The following RALYL variants were observed in gnomAD, a reference collection of about 807,000 sequenced individuals.
The protein encoded by RALYL is RALY RNA binding protein like.
In RALYL, 29 loss-of-function variants were observed where a neutral mutation model predicts 35.1. The observed-to-expected ratio is 0.83, with a 90% CI of 0.61 to 1.13. The LOEUF (loss-of-function observed/expected upper bound fraction) is 1.13, where lower values mean the gene tolerates loss of function less well. RALYL is among the 50% of genes most tolerant of loss of function. The pLI, the probability that RALYL is intolerant of heterozygous loss-of-function variation, is 0.00. For missense variants in RALYL, 359 were observed against 360.4 expected, an observed-to-expected ratio of 1.00 and a Z score of 0.03; for synonymous variants, 120 against 127.6, an observed-to-expected ratio of 0.94 and a Z score of 0.40.
Position 84,469,961 on chromosome 8 carries a change from G to A in RALYL, c.-23-59338G>A, listed in dbSNP as rs192617133. Among the ~76,000 whole-genome samples, 1,094 of 152,240 alleles carry A rather than the reference G, an allele frequency of 7.2e-3. 11 individuals are homozygous for A. Among genetic ancestry groups the A allele is most frequent in the African/African-American group, 0.023 (965 of 41,558 alleles). Reference sequence around the variant, plus strand: ...GACAGGGAACTCCCTGACCCCTTGCGCTTCCCAAGTGAGGCAATGCCTCGC... The same window carrying A: ...GACAGGGAACTCCCTGACCCCTTGCACTTCCCAAGTGAGGCAATGCCTCGC... On this transcript the variant is annotated intron_variant, in intron 1 of 8. Coordinates refer to ENST00000521268, the MANE Select transcript of RALYL (RefSeq NM_173848.7).
At chr8:84,708,739 A>G (rs2132433297) in intron 2 of RALYL, among the ~76,000 whole-genome samples, 1 of 152,298 alleles carries the variant, frequency 6.6e-6, no homozygotes, top group Admixed American at 6.5e-5. Flanking sequence ...TACAACAAGG[A>G]AAACCTGTAA....
intron 1 of RALYL, among the ~76,000 whole-genome samples, chr8:84,405,232 T>G (rs1460579532): frequency 2.0e-5 from 3 of 152,214 alleles, no homozygotes; most frequent in South Asian, 4.1e-4. Flanking sequence ...GAGGGAAATT[T>G]ATAGCACTAA....
chr8:84,279,669 T>C (rs1836161428), intron 1 of RALYL, among the ~76,000 whole-genome samples: 1 of 152,166 alleles, frequency 6.6e-6, no homozygotes, highest in African/African-American at 2.4e-5. Flanking sequence ...ACTTTCTTGC[T>C]TTTTTTCAGA....
At chr8:84,450,079 A>G (rs1236542844) in intron 1 of RALYL, among the ~76,000 whole-genome samples, 2 of 151,828 alleles carry the variant, frequency 1.3e-5, no homozygotes, top group Non-Finnish European at 2.9e-5. Context: ...GAAAAGTTCT[A>G]TAATTATTTT....
intron 2 of RALYL, among the ~76,000 whole-genome samples, chr8:84,562,270 A>T (rs1289910177): frequency 6.6e-6 from 1 of 151,974 alleles, no homozygotes; most frequent in East Asian, 1.9e-4. Flanking sequence ...GTTCATTTGC[A>T]TAAAGAGAGT....
chr8:84,471,052 T>C (rs1383013492), intron 1 of RALYL, among the ~76,000 whole-genome samples: 7 of 152,186 alleles, frequency 4.6e-5, no homozygotes, highest in Admixed American at 2.6e-4. Context: ...GAGCACTGCC[T>C]CTTGGCTCTG....
chr8:84,873,264 T>C lies in RALYL; in HGVS notation c.572-20T>C. ...TGCATTTGATGCTCTGTTGTTTTCT[T>C]CCTTCTTTCTACTTTCCAGTGAAAT... On this transcript the variant is annotated intron_variant, in intron 6 of 8. Coordinates refer to ENST00000521268, the MANE Select transcript of RALYL (RefSeq NM_173848.7). 1 of 1,393,614 alleles carries C rather than the reference T, an allele frequency of 7.2e-7. No individual in the cohort carries two copies. The highest frequency in any genetic ancestry group is 1.0e-6 in the Non-Finnish European group (1 of 1,000,152). 86.3% of individuals were successfully genotyped at this position (1,393,614 alleles called of 1,614,324 possible). A position where few individuals can be genotyped will look rare whatever the true frequency, so the allele number is the denominator to read the frequency against.
chr8:84,309,118 C>A (rs901463518), intron 1 of RALYL, among the ~76,000 whole-genome samples: 2 of 151,188 alleles, frequency 1.3e-5, no homozygotes, highest in Non-Finnish European at 3.0e-5. Context: ...TTAAATAGAA[C>A]AAAATCACAT....
At chr8:84,657,377 T>C (rs1357822809) in intron 2 of RALYL, among the ~76,000 whole-genome samples, 1 of 152,188 alleles carries the variant, frequency 6.6e-6, no homozygotes, top group Non-Finnish European at 1.5e-5. Context: ...GAATTGCAGT[T>C]AAAAGAAAGC....
chr8:84,387,207 C>A (rs1466838789), intron 1 of RALYL, among the ~76,000 whole-genome samples: 1 of 151,826 alleles, frequency 6.6e-6, no homozygotes, highest in East Asian at 1.9e-4. Flanking sequence ...AAATCATTTT[C>A]TGTGTGCCAG....
intron 4 of RALYL, among the ~76,000 whole-genome samples, chr8:84,846,548 TCTC>T (rs1240476858): frequency 3.3e-5 from 5 of 152,328 alleles, no homozygotes; most frequent in African/African-American, 7.2e-5. Flanking sequence ...GAGAGAAGTC[TCTC>T]CTCCTTGACT....
chr8:84,202,906 A>G (rs939776054), intron 1 of RALYL, among the ~76,000 whole-genome samples: 1 of 152,340 alleles, frequency 6.6e-6, no homozygotes, highest in Admixed American at 6.5e-5. Flanking sequence ...TTGAGTACAA[A>G]TAGTAACACA....
intron 1 of RALYL, among the ~76,000 whole-genome samples, chr8:84,198,586 C>T (rs1816014965): frequency 6.6e-6 from 1 of 152,114 alleles, no homozygotes; most frequent in Non-Finnish European, 1.5e-5. Flanking sequence ...CCTTGTTGTG[C>T]TATCAAATAC....
chr8:84,615,457 A>C, intron 2 of RALYL, among the ~76,000 whole-genome samples: 1 of 144,510 alleles, frequency 6.9e-6, no homozygotes, highest in East Asian at 2.0e-4. Flanking sequence ...CACCTGCTTA[A>C]ATGCTCAATA....
At chr8:84,719,568 TTATAA>T (rs1843517779) in intron 2 of RALYL, among the ~76,000 whole-genome samples, 1 of 152,170 alleles carries the variant, frequency 6.6e-6, no homozygotes, top group African/African-American at 2.4e-5. Context: ...GAAATCCATA[TTATAA>T]TTTTCTCACA....
intron 2 of RALYL, among the ~76,000 whole-genome samples, chr8:84,630,139 ATAT>A (rs1433213976): frequency 3.3e-5 from 5 of 152,202 alleles, no homozygotes; most frequent in Non-Finnish European, 7.4e-5. Context: ...GACAAAAATA[ATAT>A]TAAAAACAAA....
At chr8:84,814,964 G>A (rs1826841298) in intron 4 of RALYL, among the ~76,000 whole-genome samples, 1 of 152,218 alleles carries the variant, frequency 6.6e-6, no homozygotes, top group Non-Finnish European at 1.5e-5. Flanking sequence ...TCTGATACCA[G>A]TGGGGCCTGG....
intron 1 of RALYL, among the ~76,000 whole-genome samples, chr8:84,468,595 C>G (rs1358028364): frequency 6.8e-6 from 1 of 148,108 alleles, no homozygotes; most frequent in African/African-American, 2.5e-5. Context: ...TTCATTTCAA[C>G]TTTGGTGAAT....
chr8:84,502,375 G>T (rs1206557590), intron 1 of RALYL, among the ~76,000 whole-genome samples: 1 of 151,996 alleles, frequency 6.6e-6, no homozygotes, highest in South Asian at 2.1e-4. Context: ...GAAGAAGAAA[G>T]TCTATAAATC....
Sources: gnomAD v4.1 joint callset for allele counts (sites outside exome capture counted in the v4.1 genomes callset) on GRCh38, gnomAD v4.1.1 for gene constraint, MANE v1.5 for transcripts, NCBI Gene and HGNC (gene_info 2026-07-23, HGNC 2026-07-21) for gene names.